The following SUCLG2 variants were observed in gnomAD, a reference collection of about 807,000 sequenced individuals.
SUCLG2 encodes the protein succinate--CoA ligase [GDP-forming] subunit beta, mitochondrial.
A neutral mutation model predicts 47.9 loss-of-function variants in SUCLG2; 42 were observed. That is an observed-to-expected ratio of 0.88 (90% CI 0.69 to 1.14). SUCLG2 has a LOEUF of 1.14. SUCLG2 is among the 50% of genes most tolerant of loss of function. SUCLG2 has a pLI of 0.00. For synonymous variants in SUCLG2, 195 were observed against 197.3 expected (o/e 0.99, Z 0.10); for missense variants, 571 against 525.9 (o/e 1.09, Z -0.84).
intron 2 of SUCLG2, among the ~76,000 whole-genome samples, chr3:67,564,693 A>AT (rs1258346583): frequency 1.3e-5 from 2 of 152,030 alleles, no homozygotes; most frequent in South Asian, 2.1e-4. Flanking sequence ...ACATTATGAG[A>AT]TTTTTTTGCA....
intron 1 of SUCLG2, among the ~76,000 whole-genome samples, chr3:67,632,488 C>T (rs1700944772): frequency 6.6e-6 from 1 of 152,038 alleles, no homozygotes; most frequent in Non-Finnish European, 1.5e-5. Context: ...TGGCCCAAAG[C>T]TCATTTTTTA....
rs145706025 is a variant in SUCLG2 at position 67,506,435 on chromosome 3, T to A, written c.757+2372A>T. The stretch of plus-strand genomic sequence containing the variant: ...TGCTCTTAAAAATATCACATAAGAC[T>A]TATGTTTTAATGAACTGTATATAAT... On this transcript the variant is annotated intron_variant, in intron 7 of 10. Coordinates refer to ENST00000307227, the MANE Select transcript of SUCLG2 (RefSeq NM_003848.4). Among the ~76,000 whole-genome samples, 329 of 152,296 alleles carry A rather than the reference T, an allele frequency of 2.2e-3. 1 individual carries two copies. Among genetic ancestry groups the A allele is most frequent in the African/African-American group, 7.3e-3 (304 of 41,564 alleles).
intron 9 of SUCLG2, among the ~76,000 whole-genome samples, chr3:67,410,999 G>A (rs980528250): frequency 3.3e-5 from 5 of 152,046 alleles, no homozygotes; most frequent in Admixed American, 2.6e-4. Context: ...TCATCTTGAT[G>A]CATGTAAATA....
At chr3:67,479,210 A>G (rs887740322) in intron 9 of SUCLG2, among the ~76,000 whole-genome samples, 8 of 152,176 alleles carry the variant, frequency 5.3e-5, no homozygotes, top group Admixed American at 3.9e-4. Flanking sequence ...CTATTTATCC[A>G]ATATCTAGAA....
intron 2 of SUCLG2, among the ~76,000 whole-genome samples, chr3:67,576,284 C>T (rs566181216): frequency 1.3e-5 from 2 of 152,114 alleles, no homozygotes; most frequent in Non-Finnish European, 2.9e-5. Flanking sequence ...GGATATTGTT[C>T]CTTTATAACC....
intron 2 of SUCLG2, among the ~76,000 whole-genome samples, chr3:67,561,082 T>G (rs1333327295): frequency 6.7e-6 from 1 of 149,554 alleles, no homozygotes; most frequent in Non-Finnish European, 1.5e-5. Flanking sequence ...AAAAAAATCC[T>G]CTTTGATGGC....
At chr3:67,447,513 G>A (rs1314632142) in intron 9 of SUCLG2, among the ~76,000 whole-genome samples, 2 of 152,138 alleles carry the variant, frequency 1.3e-5, no homozygotes, top group Admixed American at 1.3e-4. Context: ...ATGGAAAAAT[G>A]TGTGTCATGG....
At chr3:67,440,350 G>C (rs537359410) in intron 9 of SUCLG2, among the ~76,000 whole-genome samples, 7 of 152,234 alleles carry the variant, frequency 4.6e-5, no homozygotes, top group African/African-American at 1.4e-4. Context: ...AACACCAAAA[G>C]CAATGGCAAC....
At chr3:67,382,489 G>C (rs1185140898) in intron 10 of SUCLG2, among the ~76,000 whole-genome samples, 1 of 152,200 alleles carries the variant, frequency 6.6e-6, no homozygotes, top group East Asian at 1.9e-4. Flanking sequence ...TCTTGGTCTA[G>C]TGCTCTGAGT....
intron 9 of SUCLG2, among the ~76,000 whole-genome samples, chr3:67,485,158 A>G (rs549082159): frequency 1.1e-4 from 16 of 152,248 alleles, no homozygotes; most frequent in Admixed American, 2.6e-4. Flanking sequence ...GTCAAATATT[A>G]ATAAATGACT....
At chr3:67,519,053 A>G (rs539762556) in intron 5 of SUCLG2, among the ~76,000 whole-genome samples, 4 of 152,118 alleles carry the variant, frequency 2.6e-5, no homozygotes, top group African/African-American at 9.6e-5. Context: ...TCGTTTTGTT[A>G]TAAGGTTGAG....
At chr3:67,422,707 C>T (rs1038467579) in intron 9 of SUCLG2, among the ~76,000 whole-genome samples, 1 of 151,858 alleles carries the variant, frequency 6.6e-6, no homozygotes, top group Non-Finnish European at 1.5e-5. Flanking sequence ...CATAAAGTCC[C>T]AGTTTAATAG....
chr3:67,495,183 A>G (rs1264192258), intron 9 of SUCLG2, among the ~76,000 whole-genome samples: 2 of 152,216 alleles, frequency 1.3e-5, no homozygotes, highest in Admixed American at 1.3e-4. Flanking sequence ...GCATAGGACC[A>G]GTCACTTCTG....
intron 6 of SUCLG2, among the ~76,000 whole-genome samples, chr3:67,517,694 T>A (rs977591775): frequency 6.6e-6 from 1 of 152,200 alleles, no homozygotes; most frequent in Non-Finnish European, 1.5e-5. Context: ...CTGTTCTCAA[T>A]AAAATATCAA....
intron 1 of SUCLG2, among the ~76,000 whole-genome samples, chr3:67,635,281 G>C (rs1700990357): frequency 6.6e-6 from 1 of 152,162 alleles, no homozygotes; most frequent in Middle Eastern, 3.2e-3. Context: ...GCTTTGCACT[G>C]GTTATCAGTT....
intron 10 of SUCLG2, among the ~76,000 whole-genome samples, chr3:67,384,355 A>G (rs1162767680): frequency 6.6e-6 from 1 of 152,208 alleles, no homozygotes; most frequent in Non-Finnish European, 1.5e-5. Context: ...TCTGCAAGCT[A>G]TAGCTCACGG....
chr3:67,409,875 C>T (rs1385619819), intron 9 of SUCLG2, among the ~76,000 whole-genome samples: 1 of 152,138 alleles, frequency 6.6e-6, no homozygotes, highest in Non-Finnish European at 1.5e-5. Context: ...GTGAATACTG[C>T]ACCATATAAA....
intron 9 of SUCLG2, among the ~76,000 whole-genome samples, chr3:67,428,734 A>G (rs1423951312): frequency 1.3e-5 from 2 of 152,200 alleles, no homozygotes; most frequent in Admixed American, 6.5e-5. Context: ...AACTAGAATA[A>G]ACAGCATAGA....
intron 2 of SUCLG2, among the ~76,000 whole-genome samples, chr3:67,606,881 C>A (rs1489719055): frequency 6.6e-6 from 1 of 152,082 alleles, no homozygotes; most frequent in East Asian, 1.9e-4. Context: ...AATATTTGTT[C>A]CAGAAGAGAA....
Sources: gnomAD v4.1 joint callset for allele counts (sites outside exome capture counted in the v4.1 genomes callset) on GRCh38, gnomAD v4.1.1 for gene constraint, MANE v1.5 for transcripts, NCBI Gene and HGNC (gene_info 2026-07-23, HGNC 2026-07-21) for gene names.